SEMA3E: variants seen among roughly 807,000 people sequenced by gnomAD.
SEMA3E encodes semaphorin 3E.
A neutral mutation model predicts 93.6 loss-of-function variants in SEMA3E; 49 were observed. The observed-to-expected ratio is 0.52, with a 90% CI of 0.42 to 0.66. The LOEUF is 0.66. Among genes scored for constraint, SEMA3E ranks in the 30% least tolerant of loss-of-function variants. The pLI is 0.00. For missense variants in SEMA3E, 906 were observed against 964.8 expected, an observed-to-expected ratio of 0.94 and a Z score of 0.81; for synonymous variants, 363 against 330.7, an observed-to-expected ratio of 1.10 and a Z score of -1.06.
At chr7:83,580,880 T>G (rs1022382459) in intron 1 of SEMA3E, among the ~76,000 whole-genome samples, 1 of 152,008 alleles carries the variant, frequency 6.6e-6, no homozygotes, top group African/African-American at 2.4e-5. Context: ...AAAAATTTAT[T>G]TAAGATTATC....
intron 4 of SEMA3E, among the ~76,000 whole-genome samples, chr7:83,452,521 A>G (rs910959268): frequency 6.6e-6 from 1 of 152,180 alleles, no homozygotes; most frequent in African/African-American, 2.4e-5. Flanking sequence ...AGGTGAGCAG[A>G]GTGAAGGTGC....
intron 1 of SEMA3E, among the ~76,000 whole-genome samples, chr7:83,507,812 A>G (rs993073806): frequency 6.6e-5 from 10 of 151,946 alleles, no homozygotes; most frequent in African/African-American, 2.4e-5. Context: ...AATGCCAGGC[A>G]TGGTGGTGTG....
chr7:83,441,673 G>A (rs1789117193), intron 4 of SEMA3E, among the ~76,000 whole-genome samples: 1 of 152,096 alleles, frequency 6.6e-6, no homozygotes, highest in Admixed American at 6.6e-5. Context: ...TTATGGAGGA[G>A]GACACTGAGC....
intron 14 of SEMA3E, among the ~76,000 whole-genome samples, chr7:83,389,518 C>T (rs1280117353): frequency 8.0e-6 from 1 of 124,678 alleles, no homozygotes; most frequent in Non-Finnish European, 1.9e-5. Context: ...ACATCACATT[C>T]TCCAGCAAGG....
intron 5 of SEMA3E, among the ~76,000 whole-genome samples, chr7:83,414,143 T>G (rs1024287353): frequency 6.6e-6 from 1 of 152,174 alleles, no homozygotes; most frequent in Admixed American, 6.6e-5. Context: ...ACCTGAAGTC[T>G]ATGTTTCTAT....
intron 1 of SEMA3E, among the ~76,000 whole-genome samples, chr7:83,639,738 C>T (rs1353604584): frequency 1.3e-5 from 2 of 150,048 alleles, no homozygotes; most frequent in Admixed American, 1.3e-4. Context: ...AAGGAAGCCT[C>T]AGTTCGATGA....
chr7:83,457,884 GC>G (rs889609664), intron 4 of SEMA3E, among the ~76,000 whole-genome samples: 9 of 151,946 alleles, frequency 5.9e-5, no homozygotes, highest in African/African-American at 2.2e-4. Context: ...ATAAATCCCT[GC>G]CTCTTAGCTG....
intron 1 of SEMA3E, among the ~76,000 whole-genome samples, chr7:83,580,185 T>A (rs991378001): frequency 6.6e-6 from 1 of 152,096 alleles, no homozygotes; most frequent in African/African-American, 2.4e-5. Flanking sequence ...TTGATAGGAA[T>A]ACTTACAAAT....
At chr7:83,547,591 T>C (rs1360266039) in intron 1 of SEMA3E, among the ~76,000 whole-genome samples, 1 of 152,152 alleles carries the variant, frequency 6.6e-6, no homozygotes, top group Non-Finnish European at 1.5e-5. Context: ...CATACTTTGG[T>C]ATAACTGCCA....
At chr7:83,484,390 T>C (rs868834114) in intron 2 of SEMA3E, among the ~76,000 whole-genome samples, 2 of 152,204 alleles carry the variant, frequency 1.3e-5, no homozygotes, top group African/African-American at 2.4e-5. Flanking sequence ...TAATTGAATA[T>C]GTTTTCACCT....
At chr7:83,402,829 T>C (rs1433445610) in intron 9 of SEMA3E, 53 bp from the exon 10 acceptor site, 45 of 1,537,550 alleles carry the variant, frequency 2.9e-5, no homozygotes, top group Non-Finnish European at 3.2e-5. Context: ...GCAGGTCATC[T>C]AGCCAAATAC....
At chr7:83,616,193 A>G (rs1793364019) in intron 1 of SEMA3E, among the ~76,000 whole-genome samples, 1 of 152,144 alleles carries the variant, frequency 6.6e-6, no homozygotes, top group African/African-American at 2.4e-5. Context: ...AAGAGAGTAT[A>G]TGTATTACAA....
intron 11 of SEMA3E, among the ~76,000 whole-genome samples, chr7:83,397,352 A>C (rs1788141880): frequency 6.6e-6 from 1 of 152,160 alleles, no homozygotes; most frequent in African/African-American, 2.4e-5. Context: ...TATTCTAGCT[A>C]CTTTTTCTGT....
At chr7:83,430,478 C>A (rs953495213) in intron 4 of SEMA3E, among the ~76,000 whole-genome samples, 8 of 151,942 alleles carry the variant, frequency 5.3e-5, no homozygotes, top group Non-Finnish European at 1.0e-4. Context: ...CAGATGAATA[C>A]CACGGAATAC....
At chr7:83,438,236 T>C (rs980151228) in intron 4 of SEMA3E, among the ~76,000 whole-genome samples, 1 of 152,114 alleles carries the variant, frequency 6.6e-6, no homozygotes, top group African/African-American at 2.4e-5. Context: ...ATATGGCTAG[T>C]CAATCCCTAC....
At chr7:83,394,675 T>C (rs1284714265) in intron 12 of SEMA3E, among the ~76,000 whole-genome samples, 1 of 152,190 alleles carries the variant, frequency 6.6e-6, no homozygotes, top group Non-Finnish European at 1.5e-5. Flanking sequence ...GAATGTTCTA[T>C]TAAAGTAATT....
At chr7:83,558,956 T>C (rs181165587) in intron 1 of SEMA3E, among the ~76,000 whole-genome samples, 365 of 152,302 alleles carry the variant, frequency 2.4e-3, no homozygotes, top group African/African-American at 8.6e-3. Context: ...ATGATGTTTT[T>C]TGACCTTTTT....
intron 1 of SEMA3E, among the ~76,000 whole-genome samples, chr7:83,576,624 T>C: frequency 6.6e-6 from 1 of 152,082 alleles, no homozygotes; most frequent in Non-Finnish European, 1.5e-5. Context: ...TCTCTATATA[T>C]AATTTTTATT....
chr7:83,515,680 T>C (rs981816255), intron 1 of SEMA3E, among the ~76,000 whole-genome samples: 2 of 152,180 alleles, frequency 1.3e-5, no homozygotes, highest in Non-Finnish European at 2.9e-5. Flanking sequence ...CCCTAGACTG[T>C]AAAAAATTGT....
Sources: gnomAD v4.1 joint callset for allele counts (sites outside exome capture counted in the v4.1 genomes callset) on GRCh38, gnomAD v4.1.1 for gene constraint, MANE v1.5 for transcripts, NCBI Gene and HGNC (gene_info 2026-07-23, HGNC 2026-07-21) for gene names.